Variants in ASB7 observed in about 807,000 individuals in gnomAD.
The protein encoded by ASB7 is ankyrin repeat and SOCS box protein 7.
Under a neutral mutation model 32.5 loss-of-function variants are expected in ASB7, and 4 were observed. The ratio of observed to expected loss-of-function variants is 0.12; its 90% CI spans 0.06 to 0.28. The LOEUF (loss-of-function observed/expected upper bound fraction) is 0.28, where lower values mean the gene tolerates loss of function less well. Ranked by LOEUF, ASB7 falls within the 10% of genes least tolerant of loss-of-function variation. The pLI is 1.00. For missense variants in ASB7, 181 were observed against 407.1 expected (o/e 0.44, Z 4.78); for synonymous variants, 172 against 155.6 (o/e 1.11, Z -0.78).
chr15:100,626,484 T>C (rs543401832), intron 4 of ASB7, among the ~76,000 whole-genome samples: 11 of 152,182 alleles, frequency 7.2e-5, no homozygotes, highest in Non-Finnish European at 1.3e-4. Context: ...ACTCATCCAT[T>C]GCTGATGAGA....
chr15:100,615,455 G>T (rs1166419346), intron 4 of ASB7, among the ~76,000 whole-genome samples: 1 of 152,186 alleles, frequency 6.6e-6, no homozygotes, highest in East Asian at 1.9e-4. Context: ...CTTTTCAGCT[G>T]CTGAATATAG....
intron 4 of ASB7, among the ~76,000 whole-genome samples, chr15:100,627,162 C>T (rs1291778811): frequency 2.6e-5 from 4 of 151,464 alleles, no homozygotes; most frequent in Admixed American, 2.0e-4. Flanking sequence ...ATTTTTTTCT[C>T]GTAAATTTAA....
intron 5 of ASB7, among the ~76,000 whole-genome samples, chr15:100,631,282 G>A (rs1225182301): frequency 1.3e-5 from 2 of 152,176 alleles, no homozygotes; most frequent in South Asian, 2.1e-4. Flanking sequence ...TAATGTGACC[G>A]TTGCCACTGA....
intron 5 of ASB7, among the ~76,000 whole-genome samples, chr15:100,636,396 A>G (rs1200380551): frequency 6.6e-6 from 1 of 152,210 alleles, no homozygotes; most frequent in Non-Finnish European, 1.5e-5. Flanking sequence ...AATAGGAAAA[A>G]CATATCTGTC....
intron 5 of ASB7, among the ~76,000 whole-genome samples, chr15:100,635,301 G>T (rs954904257): frequency 6.6e-6 from 1 of 152,094 alleles, no homozygotes; most frequent in Non-Finnish European, 1.5e-5. Flanking sequence ...AAATTCCCCG[G>T]CTGGTAATTC....
At chr15:100,623,401 C>G (rs1313848294) in intron 4 of ASB7, among the ~76,000 whole-genome samples, 1 of 152,108 alleles carries the variant, frequency 6.6e-6, no homozygotes, top group Admixed American at 6.5e-5. Flanking sequence ...GAAATTACAT[C>G]TCAAAAAAAC....
chr15:100,608,797 T>C (rs2039670029), intron 2 of ASB7, among the ~76,000 whole-genome samples: 1 of 152,132 alleles, frequency 6.6e-6, no homozygotes, highest in Admixed American at 6.5e-5. Context: ...GAAAAGTAGA[T>C]GAGAATAGAG....
chr15:100,622,713 G>T (rs998778527), intron 4 of ASB7, among the ~76,000 whole-genome samples: 1 of 152,122 alleles, frequency 6.6e-6, no homozygotes, highest in African/African-American at 2.4e-5. Context: ...CCCTCTTCAG[G>T]CTGGGAAAAC....
chr15:100,639,286 C>T (rs1216118970), intron 5 of ASB7, among the ~76,000 whole-genome samples: 2 of 152,190 alleles, frequency 1.3e-5, no homozygotes, highest in South Asian at 4.1e-4. Context: ...TCTGAAGATA[C>T]TATTTTATAA....
Position 100,647,904 on chromosome 15 carries a change from C to G in ASB7, c.818-419C>G, listed in dbSNP as rs117274000. 2.9e-3 allele frequency among the ~76,000 whole-genome samples: 438 copies of G among 152,286 alleles called. 1 individual carries two copies. The highest frequency in any genetic ancestry group is 5.4e-3 in the Non-Finnish European group (365 of 68,020). On this transcript the variant is annotated intron_variant, in intron 5 of 5. Transcript: ENST00000332783. Reference sequence around the variant, plus strand: ...CACTTTTCAGATTGAGAAGCCAAGGCTCAGAGGAATGATTGGCTCACAGTG... The same window carrying G: ...CACTTTTCAGATTGAGAAGCCAAGGGTCAGAGGAATGATTGGCTCACAGTG...
chr15:100,617,404 T>A (rs1356530032), intron 4 of ASB7, among the ~76,000 whole-genome samples: 1 of 152,200 alleles, frequency 6.6e-6, no homozygotes, highest in Non-Finnish European at 1.5e-5. Context: ...CCCTCTGCAT[T>A]CTTTCAGAGT....
In ASB7 at chr15:100,629,737, A is replaced by G. The variant is rs1056135197; in HGVS notation, c.512A>G (p.Asp171Gly). ...ERSSCVKILL[D>G]HNANIDIQNG... ...TCAAGCTGTGTGAAAATCCTCCTGG[A>G]CCACAATGCCAACATCGACATTCAG... Residue 171 changes from aspartate to glycine, a missense_variant, in exon 5 of 6, where the codon GAC becomes GGC. Asp to Gly is a moderately conservative substitution (Grantham distance 94, BLOSUM62 -1). Coordinates refer to ENST00000332783, the MANE Select transcript of ASB7 (RefSeq NM_198243.3). This position sits in a 1 kb window ranked among gnomAD's most constrained non-coding sequence, Gnocchi z 6.8. 1 of 1,614,076 alleles carries G rather than the reference A, an allele frequency of 6.2e-7. No individual in the cohort carries two copies. Among genetic ancestry groups the G allele is most frequent in the African/African-American group, 1.3e-5 (1 of 74,914 alleles).
chr15:100,635,355 G>T (rs973428087), intron 5 of ASB7, among the ~76,000 whole-genome samples: 1 of 152,098 alleles, frequency 6.6e-6, no homozygotes, highest in Non-Finnish European at 1.5e-5. Context: ...TGCTTATTTT[G>T]TCTCTCCAGA....
At chr15:100,637,399 C>T (rs1338573526) in intron 5 of ASB7, among the ~76,000 whole-genome samples, 2 of 152,190 alleles carry the variant, frequency 1.3e-5, no homozygotes, top group South Asian at 2.1e-4. Flanking sequence ...CTTGTATTTA[C>T]TGCTGTGAGA....
At chr15:100,615,439 A>G (rs2039734184) in intron 4 of ASB7, among the ~76,000 whole-genome samples, 1 of 152,064 alleles carries the variant, frequency 6.6e-6, no homozygotes, top group South Asian at 2.1e-4. Flanking sequence ...ATATTGATTC[A>G]CTCTTCTTTT....
At position 100,602,779 on chromosome 15, in the gene ASB7, C is replaced by G; in HGVS notation, c.-540C>G. The G allele has an allele frequency of 5.1e-6, 2 of 389,168 alleles. No homozygotes were observed. The highest frequency in any genetic ancestry group is 9.1e-6 in the Non-Finnish European group (2 of 220,804). 24.1% of individuals were successfully genotyped at this position (389,168 alleles called of 1,614,324 possible). On this transcript the variant is annotated 5_prime_UTR_variant, in exon 1 of 6. Transcript: ENST00000332783. ...GCCCGGAGCGCGGCAGCCCCCTGCT[C>G]CGAGCCCTGGACCGGGACTGCCCCC...
intron 4 of ASB7, among the ~76,000 whole-genome samples, chr15:100,625,560 A>G (rs1323317265): frequency 6.6e-6 from 1 of 152,336 alleles, no homozygotes; most frequent in East Asian, 1.9e-4. Flanking sequence ...ATTAAGACCT[A>G]TATAGAGAAC....
chr15:100,636,080 C>T (rs921226512), intron 5 of ASB7, among the ~76,000 whole-genome samples: 3 of 152,188 alleles, frequency 2.0e-5, no homozygotes, highest in Admixed American at 1.3e-4. Flanking sequence ...CCAGTCAATT[C>T]ACAGTCAAAT....
rs550925760 is a variant in ASB7, at chr15:100,610,076, C to T, written c.-52+248C>T. 4.6e-5 allele frequency among the ~76,000 whole-genome samples: 7 copies of T among 152,290 alleles called. No homozygotes were observed. In the East Asian group the frequency reaches 1.3e-3, roughly 29 times the overall value. Reference sequence around the variant, plus strand: ...TGAGCATAGTATGTTTCCATTAATTCCTTCAGACGGTCTTCAGCATTTTCT... The same window carrying T: ...TGAGCATAGTATGTTTCCATTAATTTCTTCAGACGGTCTTCAGCATTTTCT... On this transcript the variant is annotated intron_variant, in intron 3 of 5. Transcript: ENST00000332783.
Sources: allele counts gnomAD v4.1 joint callset (sites outside exome capture counted in the v4.1 genomes callset), GRCh38; gene constraint gnomAD v4.1.1; non-coding constraint Gnocchi (gnomAD v3.1); transcripts MANE v1.5; gene names NCBI Gene and HGNC (gene_info 2026-07-23, HGNC 2026-07-21).